Variants in LDLRAD3 observed in about 807,000 individuals in gnomAD.
The protein encoded by LDLRAD3 is low-density lipoprotein receptor class A domain-containing protein 3.
LDLRAD3 carries 20 observed loss-of-function variants against 29.4 expected under a neutral mutation model. The ratio of observed to expected loss-of-function variants is 0.68; its 90% CI spans 0.48 to 0.99. The LOEUF (loss-of-function observed/expected upper bound fraction) is 0.99, where lower values mean the gene tolerates loss of function less well. Among genes scored for constraint, LDLRAD3 ranks in the 50% least tolerant of loss-of-function variants. LDLRAD3 has a pLI of 0.00. For missense variants in LDLRAD3, 420 were observed against 454.3 expected (o/e 0.92, Z 0.69); for synonymous variants, 157 against 192.7 (o/e 0.81, Z 1.53).
chr11:36,186,892 TAC>T (rs1433583307), intron 4 of LDLRAD3, among the ~76,000 whole-genome samples: 1 of 152,216 alleles, frequency 6.6e-6, no homozygotes. Context: ...GTATGGAAAT[TAC>T]ACAGTTTTTA....
In LDLRAD3 at chr11:36,148,367, G is replaced by A. The variant is rs189256191; in HGVS notation, c.454+49906G>A. Among the ~76,000 whole-genome samples, 13 of 152,202 alleles carry A rather than the reference G, an allele frequency of 8.5e-5. No homozygotes were observed. In the East Asian group the frequency reaches 1.7e-3, roughly 20 times the overall value. ...CTGCGAGTGCTCAGATGACTATCTC[G>A]ATACACTCAGGGTGTATTTTCTGGG... On this transcript the variant is annotated intron_variant, in intron 4 of 5. Coordinates refer to ENST00000315571, the MANE Select transcript of LDLRAD3 (RefSeq NM_174902.4).
chr11:36,159,190 G>A (rs1475082057), intron 4 of LDLRAD3, among the ~76,000 whole-genome samples: 2 of 152,112 alleles, frequency 1.3e-5, no homozygotes, highest in Non-Finnish European at 1.5e-5. Flanking sequence ...GAACTTGGCC[G>A]GGTGTGGTCG....
At chr11:36,121,692 A>G (rs1353012369) in intron 4 of LDLRAD3, among the ~76,000 whole-genome samples, 1 of 152,236 alleles carries the variant, frequency 6.6e-6, no homozygotes, top group Non-Finnish European at 1.5e-5. Flanking sequence ...TAAGAGCTTG[A>G]TGAGCTATCT....
intron 3 of LDLRAD3, among the ~76,000 whole-genome samples, chr11:36,087,306 ATTAT>A (rs1272074679): frequency 6.6e-6 from 1 of 152,224 alleles, no homozygotes; most frequent in Non-Finnish European, 1.5e-5. Context: ...TTAAGGCATT[ATTAT>A]TTATTTTTAA....
At chr11:36,086,207 T>TA (rs905416894) in intron 3 of LDLRAD3, among the ~76,000 whole-genome samples, 2 of 152,260 alleles carry the variant, frequency 1.3e-5, no homozygotes, top group African/African-American at 2.4e-5. Flanking sequence ...ATAGCTGCTA[T>TA]AAAATCTTCA....
rs778599804 is a variant in LDLRAD3, at chr11:36,164,336, C to T, written c.455-62749C>T. Among the ~76,000 whole-genome samples, 7 of 152,198 alleles carry T rather than the reference C, an allele frequency of 4.6e-5. No individual in the cohort carries two copies. The East Asian group carries it at 9.6e-4, about 21-fold the overall frequency. ...TTATTTAAAATTGAACAAGAGTCAGCCACTTAGAACATTTATCAATAAACT... is the reference window on the plus strand; with the variant it reads ...TTATTTAAAATTGAACAAGAGTCAGTCACTTAGAACATTTATCAATAAACT... On this transcript the variant is annotated intron_variant, in intron 4 of 5. Transcript: ENST00000315571.
chr11:36,043,891 G>A (rs9630150), intron 2 of LDLRAD3, among the ~76,000 whole-genome samples: 13,058 of 152,258 alleles, frequency 0.086, 673 homozygotes, highest in East Asian at 0.2. Context: ...AAACACTTCA[G>A]AATGAAAAGA....
intron 4 of LDLRAD3, among the ~76,000 whole-genome samples, chr11:36,145,281 GCTGCCCCAT>G (rs1854169901): frequency 9.9e-6 from 1 of 100,848 alleles, no homozygotes; most frequent in Admixed American, 8.4e-5. Flanking sequence ...CGCCCGGCCA[GCTGCCCCAT>G]CCGGGAGGTG....
At chr11:36,161,575 G>GGGATGGATGGAT (rs145773800) in intron 4 of LDLRAD3, among the ~76,000 whole-genome samples, 1 of 151,440 alleles carries the variant, frequency 6.6e-6, no homozygotes. Context: ...GATTCATTTT[G>GGGATGGATGGAT]GGATGGATGG....
chr11:36,114,362 G>C (rs1413439053), intron 4 of LDLRAD3, among the ~76,000 whole-genome samples: 1 of 152,156 alleles, frequency 6.6e-6, no homozygotes, highest in Non-Finnish European at 1.5e-5. Context: ...TCCTGTAGTG[G>C]CTGCCCGTCT....
At chr11:36,176,039 C>A (rs1237244046) in intron 4 of LDLRAD3, among the ~76,000 whole-genome samples, 1 of 152,084 alleles carries the variant, frequency 6.6e-6, no homozygotes, top group African/African-American at 2.4e-5. Flanking sequence ...TTGGACTAAT[C>A]CTTTTACCAT....
chr11:36,040,914 G>C (rs1852373390), intron 2 of LDLRAD3, among the ~76,000 whole-genome samples: 1 of 151,960 alleles, frequency 6.6e-6, no homozygotes. Context: ...AAATTATCTA[G>C]CTAGATTGAG....
intron 4 of LDLRAD3, 103 bp downstream of exon 4, chr11:36,098,564 A>C: frequency 2.2e-6 from 3 of 1,358,390 alleles, no homozygotes; most frequent in Non-Finnish European, 3.1e-6. Context: ...TCCAAACACA[A>C]TAGCTCTGTT....
chr11:36,097,433 A>T (rs78015652), intron 3 of LDLRAD3, among the ~76,000 whole-genome samples: 1 of 152,242 alleles, frequency 6.6e-6, no homozygotes, highest in Non-Finnish European at 1.5e-5. Context: ...TGTGTCCCTT[A>T]TGCTACCAGC....
chr11:36,179,357 C>T (rs1240946659), intron 4 of LDLRAD3, among the ~76,000 whole-genome samples: 1 of 152,122 alleles, frequency 6.6e-6, no homozygotes, highest in African/African-American at 2.4e-5. Flanking sequence ...GCCTGTAATT[C>T]CAGCTACTTG....
intron 4 of LDLRAD3, among the ~76,000 whole-genome samples, chr11:36,186,696 T>G (rs1854854327): frequency 6.6e-6 from 1 of 152,086 alleles, no homozygotes; most frequent in Non-Finnish European, 1.5e-5. Context: ...ACGGATGGGG[T>G]ATGAATCCCA....
chr11:36,032,564 G>A (rs995723816), intron 1 of LDLRAD3, among the ~76,000 whole-genome samples: 1 of 152,188 alleles, frequency 6.6e-6, no homozygotes, highest in Non-Finnish European at 1.5e-5. Flanking sequence ...TTTTCAGCGG[G>A]ATGACTCTTC....
At chr11:36,172,579 A>G (rs901134674) in intron 4 of LDLRAD3, among the ~76,000 whole-genome samples, 2 of 152,092 alleles carry the variant, frequency 1.3e-5, no homozygotes, top group South Asian at 2.1e-4. Context: ...ATCTATTGAG[A>G]TGATCATATG....
At chr11:36,039,964 G>A (rs577008751) in intron 2 of LDLRAD3, among the ~76,000 whole-genome samples, 5 of 152,178 alleles carry the variant, frequency 3.3e-5, no homozygotes, top group Non-Finnish European at 7.4e-5. Flanking sequence ...TGATGGAAAC[G>A]GCTGATGTGG....
Sources: allele counts gnomAD v4.1 joint callset (sites outside exome capture counted in the v4.1 genomes callset), GRCh38; gene constraint gnomAD v4.1.1; transcripts MANE v1.5; gene names NCBI Gene and HGNC (gene_info 2026-07-23, HGNC 2026-07-21).